Variants in EML1 observed in about 807,000 individuals in gnomAD.
EML1 encodes the protein EMAP like 1, also known as echinoderm microtubule-associated protein-like 1.
In EML1, 27 loss-of-function variants were observed where a neutral mutation model predicts 110.4. The ratio of observed to expected loss-of-function variants is 0.24; its 90% CI spans 0.18 to 0.34. The LOEUF is 0.34. Ranked by LOEUF, EML1 falls within the 10% of genes least tolerant of loss-of-function variation. The pLI, the probability that EML1 is intolerant of heterozygous loss-of-function variation, is 1.00. For synonymous variants in EML1, 344 were observed against 385.8 expected, an observed-to-expected ratio of 0.89 and a Z score of 1.27; for missense variants, 741 against 1,030.9, an observed-to-expected ratio of 0.72 and a Z score of 3.85.
rs920702145 is a variant in EML1 at position 99,784,224 on chromosome 14, C to T, written c.-27+10211C>T. ...TCCCACCTTTCAGTCCCCTGAGTAGCTGGGACCACAGGCACATGCTACCAC... is the reference window on the plus strand; with the variant it reads ...TCCCACCTTTCAGTCCCCTGAGTAGTTGGGACCACAGGCACATGCTACCAC... On this transcript the variant is annotated intron_variant, in intron 1 of 22. Transcript: ENST00000327921. This position sits in a 1 kb window ranked among gnomAD's most constrained non-coding sequence, Gnocchi z 4.5. Among the ~76,000 whole-genome samples, 5 of 152,180 alleles carry T rather than the reference C, an allele frequency of 3.3e-5. No individual in the cohort carries two copies. The highest frequency in any genetic ancestry group is 3.2e-3 in the Middle Eastern group (1 of 316).
chr14:99,930,087 C>A (rs931211155), intron 17 of EML1, among the ~76,000 whole-genome samples: 2 of 152,160 alleles, frequency 1.3e-5, no homozygotes, highest in Non-Finnish European at 2.9e-5. Context: ...GACACTGACC[C>A]TTTGCCACAG....
rs151125309 is a variant in EML1, at chr14:99,934,710, A to G, written c.1910-1319A>G. ...CCCTGCATTCTATTCTGGGCCCTGC[A>G]TGGCTCCAGGTTTCCAGTCCTTCTT... On this transcript the variant is annotated intron_variant, in intron 17 of 21. Transcript: ENST00000262233. Among the ~76,000 whole-genome samples, 176 of 152,280 alleles carry G rather than the reference A, an allele frequency of 1.2e-3. 2 individuals are homozygous for G. In the East Asian group the frequency reaches 0.032, roughly 28 times the overall value.
chr14:99,939,084 A>C lies in EML1; in HGVS notation c.2192-113A>C, dbSNP rs552281278. ...TGTGCTTTTTTGACCCTTGTTTCTA[A>C]AGCTGGACTTCAGGCAGTTTCATGT... On this transcript the variant is annotated intron_variant, in intron 20 of 21. Coordinates refer to ENST00000262233, the MANE Select transcript of EML1 (RefSeq NM_004434.3). This position sits in a 1 kb window ranked among gnomAD's most constrained non-coding sequence, Gnocchi z 4.2. 3 of 1,489,066 alleles carry C rather than the reference A, an allele frequency of 2.0e-6. No homozygotes were observed. In the East Asian group the frequency reaches 6.9e-5, roughly 34 times the overall value. 92.2% of individuals were successfully genotyped at this position (1,489,066 alleles called of 1,614,324 possible).
At chr14:99,884,132 C>G (rs1327165556) in intron 4 of EML1, among the ~76,000 whole-genome samples, 1 of 152,212 alleles carries the variant, frequency 6.6e-6, no homozygotes. Context: ...AGCCTCAGTG[C>G]AGAGCTGGTC....
intron 1 of EML1, among the ~76,000 whole-genome samples, chr14:99,832,539 T>G (rs1027536468): frequency 6.6e-6 from 1 of 152,180 alleles, no homozygotes; most frequent in Non-Finnish European, 1.5e-5. Flanking sequence ...GTGTGGTCGG[T>G]CTTTTTATTT....
rs1185819066 is a variant in EML1 at position 99,865,536 on chromosome 14, G to A, written c.273G>A (p.Leu91=). ...CAGCAAGACCACTGATGCAGACCCTGCCTTTAAGAACCACGGTCAACAATG... is the reference window on the plus strand; with the variant it reads ...CAGCAAGACCACTGATGCAGACCCTACCTTTAAGAACCACGGTCAACAATG... ...PTKARPLMQT[L]PLRTTVNNGT... is the part of the protein sequence containing the mutation. Residue 91 remains leucine, a synonymous_variant, in exon 3 of 22, where the codon CTG becomes CTA. Coordinates refer to ENST00000262233, the MANE Select transcript of EML1 (RefSeq NM_004434.3). 7 of 1,614,044 alleles carry A rather than the reference G, an allele frequency of 4.3e-6. No individual in the cohort carries two copies. The highest frequency in any genetic ancestry group is 5.9e-6 in the Non-Finnish European group (7 of 1,180,018).
intron 3 of EML1, among the ~76,000 whole-genome samples, chr14:99,877,391 C>T (rs916718844): frequency 6.6e-6 from 1 of 152,140 alleles, no homozygotes. Flanking sequence ...CAATCAGCCT[C>T]CACTCCATAC....
At chr14:99,765,816 G>A (rs2057362915) in intron 1 of EML1, among the ~76,000 whole-genome samples, 1 of 151,936 alleles carries the variant, frequency 6.6e-6, no homozygotes, top group Non-Finnish European at 1.5e-5. Flanking sequence ...TGTTTATCAG[G>A]CTGCTCTTGA....
intron 1 of EML1, among the ~76,000 whole-genome samples, chr14:99,841,721 C>G (rs2058637156): frequency 6.6e-6 from 1 of 152,200 alleles, no homozygotes; most frequent in Admixed American, 6.5e-5. Context: ...GCATCAATGC[C>G]TCGCACCACT....
In EML1 at chr14:99,865,557, C is replaced by T; in HGVS notation, c.294C>T (p.Asn98=). Residue 98 remains asparagine, a synonymous_variant, in exon 3 of 22, where the codon AAC becomes AAT. Transcript: ENST00000262233. ...CCCTGCCTTTAAGAACCACGGTCAA[C>T]AATGGCACTGTGTTACCAAAGAAAC... ...MQTLPLRTTV[N]NGTVLPKKPT... 1 of 1,614,210 alleles carries T rather than the reference C, an allele frequency of 6.2e-7. No homozygotes were observed. The highest frequency in any genetic ancestry group is 8.5e-7 in the Non-Finnish European group (1 of 1,180,034).
intron 1 of EML1, among the ~76,000 whole-genome samples, chr14:99,843,203 A>G (rs542676626): frequency 2.5e-4 from 38 of 152,320 alleles, no homozygotes; most frequent in Middle Eastern, 3.4e-3. Context: ...GTGAGCTGTA[A>G]TCGCACCACT....
intron 1 of EML1, among the ~76,000 whole-genome samples, chr14:99,837,623 A>G (rs1440699513): frequency 2.6e-5 from 4 of 152,186 alleles, no homozygotes; most frequent in African/African-American, 9.7e-5. Flanking sequence ...CCTAAAAGAC[A>G]AGTTCTACCA....
intron 1 of EML1, among the ~76,000 whole-genome samples, chr14:99,840,025 T>A (rs1300126308): frequency 7.6e-6 from 1 of 132,216 alleles, no homozygotes; most frequent in East Asian, 2.4e-4. Flanking sequence ...TTCTCTGTAC[T>A]GATTGCTTGT....
At chr14:99,824,972 G>A (rs2058328301) in intron 1 of EML1, among the ~76,000 whole-genome samples, 1 of 152,128 alleles carries the variant, frequency 6.6e-6, no homozygotes, top group South Asian at 2.1e-4. Context: ...TTATGGCTGT[G>A]TAATATTCCA....
chr14:99,850,999 C>G lies in EML1; in HGVS notation c.214C>G (p.Gln72Glu). 6.2e-7 allele frequency: 1 copy of G among 1,614,078 alleles called. No homozygotes were observed. The change falls in exon 2 of 22, where the codon CAG (glutamine) becomes GAG (glutamate). Residue 72 changes from glutamine to glutamate, a missense_variant. Gln to Glu is a conservative substitution (Grantham distance 29). Around this residue, in one of 4 missense-constraint regions of EML1, gnomAD observed 226 missense variants for 255.6 expected, o/e 0.88. Transcript: ENST00000262233. ...VVRRLNITEE[Q>E]QAVLNRKGPT... ...TCGGCGGCTGAACATTACTGAGGAA[C>G]AGCAGGCCGTGCTTAACAGGAAAGG...
At chr14:99,770,559 G>A (rs1022546000), upstream of EML1, among the ~76,000 whole-genome samples, 10 of 151,900 alleles carry the variant, frequency 6.6e-5, no homozygotes, top group Non-Finnish European at 1.3e-4. Flanking sequence ...ATGAATTTTG[G>A]GAGGACACAA....
upstream of EML1, chr14:99,793,274 C>G (rs965886390): frequency 3.1e-6 from 3 of 963,338 alleles, no homozygotes; most frequent in African/African-American, 1.8e-5. Flanking sequence ...AGGCCGCCCC[C>G]TCGCGGGCGG....
chr14:99,910,891 A>T (rs2059935173), intron 12 of EML1, among the ~76,000 whole-genome samples: 1 of 152,176 alleles, frequency 6.6e-6, no homozygotes, highest in South Asian at 2.1e-4. Context: ...GAAAAAAGGG[A>T]AAATCCACCA....
At chr14:99,891,761 T>C (rs1193390149) in intron 5 of EML1, among the ~76,000 whole-genome samples, 1 of 152,238 alleles carries the variant, frequency 6.6e-6, no homozygotes, top group African/African-American at 2.4e-5. Context: ...GTCTAGCATC[T>C]TAACCTTATT....
Sources: gnomAD v4.1 joint callset for allele counts (sites outside exome capture counted in the v4.1 genomes callset) on GRCh38, gnomAD v4.1.1 for gene constraint, gnomAD v4.1.1 regional missense constraint, Gnocchi (gnomAD v3.1) non-coding constraint, MANE v1.5 for transcripts, NCBI Gene and HGNC (gene_info 2026-07-23, HGNC 2026-07-21) for gene names.